PGBD5: variants seen among roughly 807,000 people sequenced by gnomAD.
The protein encoded by PGBD5 is piggyBac transposable element derived 5.
Under a neutral mutation model 47.9 loss-of-function variants are expected in PGBD5, and 14 were observed. That is an observed-to-expected ratio of 0.29 (90% CI 0.19 to 0.46). The LOEUF (loss-of-function observed/expected upper bound fraction) is 0.46, where lower values mean the gene tolerates loss of function less well. Among genes scored for constraint, PGBD5 ranks in the 20% least tolerant of loss-of-function variants. PGBD5 has a pLI of 1.00. For missense variants in PGBD5, 635 were observed against 716.0 expected, an observed-to-expected ratio of 0.89 and a Z score of 1.29; for synonymous variants, 316 against 306.3, an observed-to-expected ratio of 1.03 and a Z score of -0.33.
At chr1:230,368,283 G>A in intron 1 of PGBD5, 2 of 1,175,312 alleles carry the variant, frequency 1.7e-6, no homozygotes, top group South Asian at 1.6e-5. Context: ...TGTTGCTGAG[G>A]CCAAGTGGCC....
intron 5 of PGBD5, 146 bp downstream of exon 5, chr1:230,332,698 C>T: frequency 1.1e-6 from 1 of 911,506 alleles, no homozygotes; most frequent in Non-Finnish European, 1.7e-6. Flanking sequence ...GGAGCGTGGC[C>T]CCAGATGCTG....
chr1:230,365,399 G>A (rs1224330084), intron 1 of PGBD5, among the ~76,000 whole-genome samples: 1 of 152,052 alleles, frequency 6.6e-6, no homozygotes, highest in East Asian at 1.9e-4. Context: ...AGGGCTGGTG[G>A]ACAGAAAAGG....
chr1:230,351,042 G>A lies in PGBD5; in HGVS notation c.810C>T (p.Cys270=). The change falls in exon 3 of 7, where the codon TGC becomes TGT. Residue 270 remains cysteine (C), a synonymous_variant. Coordinates refer to ENST00000391860, the MANE Select transcript of PGBD5 (RefSeq NM_001258311.2). The part of the protein sequence containing the change: ...IDEDPVFIAT[C]TERELRKRKK... ...TCCTCTTTCGCAGCTCCCGCTCTGT[G>A]CACGTGGCAATGAATACAGGATCCT... 6.2e-7 allele frequency: 1 copy of A among 1,613,982 alleles called. No homozygotes were observed. The highest frequency in any genetic ancestry group is 8.5e-7 in the Non-Finnish European group (1 of 1,179,960).
At chr1:230,409,640 A>G (rs1272869302) in intron 1 of PGBD5, among the ~76,000 whole-genome samples, 1 of 152,248 alleles carries the variant, frequency 6.6e-6, no homozygotes, top group African/African-American at 2.4e-5. Flanking sequence ...AAATGTCTAG[A>G]ATAGGCAAAG....
intron 5 of PGBD5, among the ~76,000 whole-genome samples, chr1:230,326,890 T>A (rs1478275595): frequency 6.6e-6 from 1 of 152,040 alleles, no homozygotes; most frequent in Non-Finnish European, 1.5e-5. Context: ...CTCAAACACC[T>A]TTTCCTCTAC....
At chr1:230,335,678 T>TGC (rs1558192611) in intron 4 of PGBD5, among the ~76,000 whole-genome samples, 5 of 8,638 alleles carry the variant, frequency 5.8e-4, no homozygotes, top group African/African-American at 2.0e-3. Context: ...GATACACAGA[T>TGC]ACAGACACAC....
At chr1:230,356,654 T>C (rs1265807121) in intron 2 of PGBD5, among the ~76,000 whole-genome samples, 1 of 152,212 alleles carries the variant, frequency 6.6e-6, no homozygotes, top group Non-Finnish European at 1.5e-5. Flanking sequence ...GAAGATTGCC[T>C]CTCAGAGCAA....
intron 4 of PGBD5, among the ~76,000 whole-genome samples, chr1:230,334,926 G>A (rs970843350): frequency 2.0e-5 from 3 of 151,706 alleles, no homozygotes; most frequent in Non-Finnish European, 4.4e-5. Flanking sequence ...CACAGGAGCA[G>A]CACACTCAGC....
rs188486050 is a variant in PGBD5 at position 230,349,602 on chromosome 1, C to T, written c.894+1356G>A. Among the ~76,000 whole-genome samples, 216 of 149,584 alleles carry T rather than the reference C, an allele frequency of 1.4e-3. 1 individual carries two copies. Among genetic ancestry groups the T allele is most frequent in the Non-Finnish European group, 2.1e-3 (144 of 67,640 alleles). ...GGATGGCAGGACCACGTTTGCATATCCCAATGCCTGGCACAATTGTGTGCA... is the reference window on the plus strand; with the variant it reads ...GGATGGCAGGACCACGTTTGCATATTCCAATGCCTGGCACAATTGTGTGCA... On this transcript the variant is annotated intron_variant, in intron 3 of 6. Transcript: ENST00000391860.
intron 3 of PGBD5, among the ~76,000 whole-genome samples, chr1:230,345,566 C>T (rs1211938632): frequency 6.6e-6 from 1 of 152,236 alleles, no homozygotes; most frequent in African/African-American, 2.4e-5. Flanking sequence ...AGAATAAATA[C>T]AGACAGTCTC....
chr1:230,394,585 C>G (rs1656876994), intron 1 of PGBD5, among the ~76,000 whole-genome samples: 1 of 133,868 alleles, frequency 7.5e-6, no homozygotes, highest in Non-Finnish European at 1.6e-5. Context: ...CCCCTCCTCT[C>G]CTTGTGCTCC....
At chr1:230,378,384 T>C (rs1478685641) in intron 1 of PGBD5, among the ~76,000 whole-genome samples, 1 of 152,248 alleles carries the variant, frequency 6.6e-6, no homozygotes, top group Non-Finnish European at 1.5e-5. Flanking sequence ...TTCCATCCCC[T>C]AAGGTCATAA....
intron 1 of PGBD5, among the ~76,000 whole-genome samples, chr1:230,421,428 G>A (rs896038902): frequency 3.9e-5 from 6 of 152,212 alleles, no homozygotes; most frequent in African/African-American, 1.4e-4. Flanking sequence ...AGTCTGACTA[G>A]TTAGATGGTG....
intron 1 of PGBD5, among the ~76,000 whole-genome samples, chr1:230,424,410 T>A (rs1657724788): frequency 6.6e-6 from 1 of 152,202 alleles, no homozygotes; most frequent in African/African-American, 2.4e-5. Flanking sequence ...CAAGCCCAGC[T>A]TTAGCTCCGC....
chr1:230,339,417 T>A (rs1667377146), intron 3 of PGBD5, among the ~76,000 whole-genome samples: 1 of 152,116 alleles, frequency 6.6e-6, no homozygotes, highest in African/African-American at 2.4e-5. Flanking sequence ...TCAAAGACCT[T>A]AAAGTATGGC....
chr1:230,332,235 C>T (rs1373661952), intron 5 of PGBD5, among the ~76,000 whole-genome samples: 1 of 152,216 alleles, frequency 6.6e-6, no homozygotes, highest in East Asian at 1.9e-4. Context: ...GGGGAGGCTG[C>T]CCCCAAGCAC....
chr1:230,348,819 C>A (rs1181398527), intron 3 of PGBD5, among the ~76,000 whole-genome samples: 1 of 152,186 alleles, frequency 6.6e-6, no homozygotes, highest in Non-Finnish European at 1.5e-5. Context: ...AGTTCTCATG[C>A]CAGTCCTGTC....
intron 1 of PGBD5, among the ~76,000 whole-genome samples, chr1:230,412,387 C>CTTTTT (rs34303231): frequency 7.8e-6 from 1 of 127,664 alleles, no homozygotes; most frequent in Non-Finnish European, 1.6e-5. Context: ...ATCCTAAAGT[C>CTTTTT]TTTTTTTTTT....
chr1:230,410,399 C>G (rs572783623), intron 1 of PGBD5, among the ~76,000 whole-genome samples: 2 of 152,104 alleles, frequency 1.3e-5, no homozygotes, highest in Admixed American at 6.6e-5. Context: ...TTTTTTCTTA[C>G]ACCTATGCCA....
Sources: allele counts gnomAD v4.1 joint callset (sites outside exome capture counted in the v4.1 genomes callset), GRCh38; gene constraint gnomAD v4.1.1; transcripts MANE v1.5; gene names NCBI Gene and HGNC (gene_info 2026-07-23, HGNC 2026-07-21).